Variants in FOLH1 observed in about 807,000 individuals in gnomAD.
FOLH1 encodes glutamate carboxypeptidase 2.
A neutral mutation model predicts 93.9 loss-of-function variants in FOLH1; 54 were observed. The observed-to-expected ratio is 0.57, with a 90% CI of 0.46 to 0.72. FOLH1 has a LOEUF of 0.72. FOLH1 is among the 30% of genes least tolerant of loss of function. The pLI is 0.00. For synonymous variants in FOLH1, 249 were observed against 303.6 expected, an observed-to-expected ratio of 0.82 and a Z score of 1.87; for missense variants, 571 against 892.5, an observed-to-expected ratio of 0.64 and a Z score of 4.59.
rs117239640 is a variant in FOLH1, at chr11:49,182,584, A to G, written c.920+565T>C. Among the ~76,000 whole-genome samples, 230 of 152,086 alleles carry G rather than the reference A, an allele frequency of 1.5e-3. No homozygotes were observed. In the East Asian group the frequency reaches 0.041, roughly 27 times the overall value. On this transcript the variant is annotated intron_variant, in intron 7 of 18. Coordinates refer to ENST00000256999, the MANE Select transcript of FOLH1 (RefSeq NM_004476.3). ...GGAATACATGAGTAAGAGATTTACT[A>G]GGGAAAAGCATGTGTGGAAAATGAG...
Position 49,173,462 on chromosome 11 carries a change from G to C in FOLH1, c.1120C>G (p.Leu374Val), listed in dbSNP as rs539478487. 1 of 1,560,892 alleles carries C rather than the reference G, an allele frequency of 6.4e-7. No homozygotes were observed. Among genetic ancestry groups the C allele is most frequent in the Admixed American group, 1.7e-5 (1 of 57,650 alleles). Residue 374 changes from leucine (L) to valine (V), a missense_variant, in exon 10 of 19, where the codon CTG becomes GTG. By Grantham distance (32) the Leu-to-Val change is conservative. Around this residue, in one of 2 missense-constraint regions of FOLH1, gnomAD observed 500 missense variants for 822.9 expected, o/e 0.61. Transcript: ENST00000256999. The part of the protein sequence containing the change: ...GAVEPDRYVI[L>V]GGHRDSWVFG... ...ACCCATGAGTCCCGGTGACCTCCCA[G>C]AATGACATATCTGTCTAGAAAGCAT...
intron 9 of FOLH1, among the ~76,000 whole-genome samples, chr11:49,174,223 AATATTC>A (rs1476773208): frequency 6.6e-6 from 1 of 152,198 alleles, no homozygotes; most frequent in Non-Finnish European, 1.5e-5. Flanking sequence ...CAAGGATATC[AATATTC>A]TTGATCTAAA....
intron 1 of FOLH1, among the ~76,000 whole-genome samples, chr11:49,207,164 G>A (rs763507477): frequency 2.2e-4 from 34 of 151,940 alleles, no homozygotes; most frequent in Non-Finnish European, 1.6e-4. Flanking sequence ...CTTGAACTGA[G>A]ATCTGAAAAA....
chr11:49,159,698 G>A (rs1857451535), intron 13 of FOLH1, among the ~76,000 whole-genome samples: 1 of 152,122 alleles, frequency 6.6e-6, no homozygotes, highest in Non-Finnish European at 1.5e-5. Context: ...AGTTTCAATA[G>A]AAATAGTACC....
chr11:49,158,155 A>T (rs1477826049), intron 13 of FOLH1, 112 bp from the exon 14 acceptor site: 4 of 820,188 alleles, frequency 4.9e-6, no homozygotes, highest in Non-Finnish European at 7.3e-6. Context: ...AAAACAAGGG[A>T]TGCTATCCAT....
At chr11:49,156,885 C>T (rs1194734818) in intron 14 of FOLH1, 78 bp from the exon 15 acceptor site, 36 of 1,588,756 alleles carry the variant, frequency 2.3e-5, no homozygotes, top group Non-Finnish European at 3.0e-5. Flanking sequence ...TTAAACTAAA[C>T]CCCATTCTTA....
chr11:49,148,740 GA>G lies in FOLH1; in HGVS notation c.1971-10del, dbSNP rs771539010. Reference sequence around the variant, plus strand: ...TTCTTAATACTATTGGGCTGAGAAAGAAAATGAATATAATTATAACTTCATG... The same window carrying G: ...TTCTTAATACTATTGGGCTGAGAAAGAAATGAATATAATTATAACTTCATG... On this transcript the variant is annotated splice_polypyrimidine_tract_variant and intron_variant, in intron 17 of 18. Coordinates refer to ENST00000256999, the MANE Select transcript of FOLH1 (RefSeq NM_004476.3). The G allele has an allele frequency of 1.9e-6, 3 of 1,548,694 alleles. No individual in the cohort carries two copies. In the Admixed American group the frequency reaches 6.5e-5, roughly 33 times the overall value.
intron 14 of FOLH1, 22 bp from the exon 15 acceptor site, chr11:49,156,829 A>G (rs776050617): frequency 6.1e-5 from 98 of 1,609,214 alleles, no homozygotes; most frequent in Non-Finnish European, 7.8e-5. Context: ...AAAACAACAG[A>G]ATTATTTCAA....
chr11:49,185,928 A>C, intron 5 of FOLH1, 73 bp from the exon 6 acceptor site: 15 of 1,474,488 alleles, frequency 1.0e-5, no homozygotes, highest in Non-Finnish European at 1.3e-5. Flanking sequence ...AATTTTCAAT[A>C]TTACACTTAA....
At position 49,154,640 on chromosome 11, in the gene FOLH1, T is replaced by C. The variant is rs557799463; in HGVS notation, c.1624-148A>G. On this transcript the variant is annotated intron_variant, in intron 15 of 18. Coordinates refer to ENST00000256999, the MANE Select transcript of FOLH1 (RefSeq NM_004476.3). ...CTCAATAAGCTACATCCTAAATGGC[T>C]AATATTATGATACATAAACACATTC... The C allele has an allele frequency of 2.0e-3, 2,855 of 1,440,386 alleles. 6 individuals carry two copies. The highest frequency in any genetic ancestry group is 2.5e-3 in the Non-Finnish European group (2,678 of 1,088,530). 89.2% of individuals were successfully genotyped at this position (1,440,386 alleles called of 1,614,324 possible). A position where few individuals can be genotyped will look rare whatever the true frequency, so the allele number is the denominator to read the frequency against.
At chr11:49,163,291 C>T (rs1486514317) in intron 13 of FOLH1, among the ~76,000 whole-genome samples, 1 of 152,064 alleles carries the variant, frequency 6.6e-6, no homozygotes, top group Non-Finnish European at 1.5e-5. Flanking sequence ...GCCAGAAACC[C>T]TAGTTGGGAG....
At chr11:49,184,848 T>C (rs1225615688) in intron 6 of FOLH1, among the ~76,000 whole-genome samples, 1 of 152,228 alleles carries the variant, frequency 6.6e-6, no homozygotes, top group African/African-American at 2.4e-5. Flanking sequence ...TTAGCTCCCT[T>C]TGTTAATGTT....
intron 3 of FOLH1, 49 bp from the exon 4 acceptor site, chr11:49,192,943 T>G (rs770810342): frequency 6.7e-7 from 1 of 1,482,448 alleles, no homozygotes; most frequent in South Asian, 1.3e-5. Context: ...AAAGTTTGAT[T>G]ACTGTAATCA....
intron 14 of FOLH1, among the ~76,000 whole-genome samples, chr11:49,157,140 T>A (rs1420624892): frequency 1.3e-5 from 2 of 151,992 alleles, no homozygotes; most frequent in East Asian, 1.9e-4. Flanking sequence ...TTTCAGATAA[T>A]TTGGACATAA....
chr11:49,165,358 G>T (rs561759907), intron 12 of FOLH1, among the ~76,000 whole-genome samples: 1 of 152,146 alleles, frequency 6.6e-6, no homozygotes, highest in Non-Finnish European at 1.5e-5. Context: ...CTAGAATCTG[G>T]CATTTAACCA....
rs753968179 is a variant in FOLH1 at position 49,206,059 on chromosome 11, G to A, written c.224+8C>T. The A allele has an allele frequency of 6.2e-7, 1 of 1,607,330 alleles. No homozygotes were observed. The highest frequency in any genetic ancestry group is 1.3e-5 in the African/African-American group (1 of 74,862). On this transcript the variant is annotated splice_region_variant and intron_variant, in intron 2 of 18. Transcript: ENST00000256999. ...CTTGTCCATATAAACTTTCGAGGATGTACTTACTATAAGAACTTCTTGATG... is the reference window on the plus strand; with the variant it reads ...CTTGTCCATATAAACTTTCGAGGATATACTTACTATAAGAACTTCTTGATG...
chr11:49,182,188 G>C (rs1860825400), intron 7 of FOLH1, among the ~76,000 whole-genome samples: 1 of 151,892 alleles, frequency 6.6e-6, no homozygotes, highest in Non-Finnish European at 1.5e-5. Flanking sequence ...AATCAGCCGG[G>C]CATAGTGGTG....
intron 2 of FOLH1, among the ~76,000 whole-genome samples, chr11:49,205,703 T>C (rs1328199551): frequency 6.6e-6 from 1 of 152,250 alleles, no homozygotes; most frequent in East Asian, 1.9e-4. Context: ...TTTTGACACA[T>C]CAATTATATG....
chr11:49,178,274 C>G (rs185693779), intron 7 of FOLH1, among the ~76,000 whole-genome samples: 6 of 152,166 alleles, frequency 3.9e-5, no homozygotes, highest in Non-Finnish European at 8.8e-5. Context: ...CACACTTTTT[C>G]CGGGACCTCT....
Sources: allele counts gnomAD v4.1 joint callset (sites outside exome capture counted in the v4.1 genomes callset), GRCh38; gene constraint gnomAD v4.1.1; regional missense constraint gnomAD v4.1.1; transcripts MANE v1.5; gene names NCBI Gene and HGNC (gene_info 2026-07-23, HGNC 2026-07-21).